WNT7B: variants seen among roughly 807,000 people sequenced by gnomAD.
WNT7B encodes protein Wnt-7b.
In WNT7B, 19 loss-of-function variants were observed where a neutral mutation model predicts 38.2. The observed-to-expected ratio is 0.50, with a 90% CI of 0.35 to 0.73. The LOEUF is 0.73. WNT7B is among the 30% of genes least tolerant of loss of function. The probability of loss-of-function intolerance (pLI) is 0.01; values close to 1 mark genes in which losing one functional copy is unlikely to be tolerated. For synonymous variants in WNT7B, 243 were observed against 209.3 expected (o/e 1.16, Z -1.39); for missense variants, 423 against 507.9 (o/e 0.83, Z 1.61).
intron 3 of WNT7B, among the ~76,000 whole-genome samples, 175 bp downstream of exon 3, chr22:45,930,923 T>G (rs2146712903): frequency 6.6e-6 from 1 of 152,226 alleles, no homozygotes; most frequent in East Asian, 1.9e-4. Flanking sequence ...GACAGCCTCC[T>G]CCCGGTGCTG....
At chr22:45,929,806 A>ACCCACTCATCTATCTG (rs879821707) in intron 3 of WNT7B, among the ~76,000 whole-genome samples, 2 of 149,186 alleles carry the variant, frequency 1.3e-5, no homozygotes, top group Non-Finnish European at 3.0e-5. Context: ...TCAACCATCT[A>ACCCACTCATCTATCTG]CCCATCCATC....
In WNT7B at chr22:45,949,022, G is replaced by A. The variant is rs924408332; in HGVS notation, c.298+898C>T. Among the ~76,000 whole-genome samples the A allele has an allele frequency of 4.5e-4, 68 of 151,672 alleles. 2 individuals are homozygous for A. The highest frequency in any genetic ancestry group is 1.3e-4 in the Non-Finnish European group (9 of 67,926). On this transcript the variant is annotated intron_variant, in intron 2 of 3. Transcript: ENST00000339464. ...ATTTTTGTATTTTTAGTAGAGATGG[G>A]GTTTCACCATGTTGGCCAGGATGGT...
intron 1 of WNT7B, chr22:45,972,286 G>A (rs945534831): frequency 1.0e-5 from 6 of 577,678 alleles, no homozygotes; most frequent in Admixed American, 3.1e-5. Context: ...CGGGCCGGGC[G>A]CCTGGGCCAG....
chr22:45,936,615 C>A (rs972207369), intron 2 of WNT7B, among the ~76,000 whole-genome samples: 2 of 152,266 alleles, frequency 1.3e-5, no homozygotes, highest in African/African-American at 4.8e-5. Flanking sequence ...CCTCAAAGGA[C>A]CCCCTGGCTG....
At chr22:45,926,390 G>A (rs868377278) in intron 3 of WNT7B, 4 of 985,362 alleles carry the variant, frequency 4.1e-6, no homozygotes, top group Middle Eastern at 5.2e-4. Flanking sequence ...GGGCCTGGTT[G>A]GGCAGGGGGG....
chr22:45,971,006 G>C (rs779712302), intron 1 of WNT7B, among the ~76,000 whole-genome samples: 22 of 152,248 alleles, frequency 1.4e-4, no homozygotes, highest in Non-Finnish European at 2.8e-4. Context: ...GGCTGCGGTT[G>C]CGAACTTTTG....
chr22:45,929,668 C>G (rs1355981714), intron 3 of WNT7B, among the ~76,000 whole-genome samples: 2 of 112,340 alleles, frequency 1.8e-5, no homozygotes, highest in African/African-American at 6.1e-5. Flanking sequence ...ACCCACCCGC[C>G]CATCCTTCCC....
intron 3 of WNT7B, among the ~76,000 whole-genome samples, chr22:45,924,033 C>G (rs566573507): frequency 6.6e-6 from 1 of 152,212 alleles, no homozygotes; most frequent in Non-Finnish European, 1.5e-5. Flanking sequence ...TCCATGGCCC[C>G]GGAAGGCTGA....
intron 1 of WNT7B, among the ~76,000 whole-genome samples, chr22:45,956,110 C>T (rs1284915682): frequency 6.6e-6 from 1 of 152,180 alleles, no homozygotes; most frequent in Non-Finnish European, 1.5e-5. Flanking sequence ...GAAGGCAAGT[C>T]CCTGGCTGCA....
intron 3 of WNT7B, chr22:45,925,975 C>T (rs1033061922): frequency 1.1e-6 from 1 of 943,138 alleles, no homozygotes. Flanking sequence ...TCCCCCTCCT[C>T]CCTCCCCTGT....
intron 2 of WNT7B, among the ~76,000 whole-genome samples, chr22:45,933,128 C>T (rs1931419807): frequency 6.6e-6 from 1 of 152,126 alleles, no homozygotes; most frequent in Non-Finnish European, 1.5e-5. Flanking sequence ...GGATGGGGCC[C>T]ACCAGCCTTA....
chr22:45,930,927 G>A (rs998747450), intron 3 of WNT7B, among the ~76,000 whole-genome samples, 171 bp downstream of exon 3: 2 of 152,130 alleles, frequency 1.3e-5, no homozygotes, highest in Non-Finnish European at 1.5e-5. Flanking sequence ...GCCTCCTCCC[G>A]GTGCTGGGAG....
intron 1 of WNT7B, among the ~76,000 whole-genome samples, chr22:45,952,432 G>A (rs1931955454): frequency 6.6e-6 from 1 of 152,206 alleles, no homozygotes; most frequent in African/African-American, 2.4e-5. Context: ...AAAGCCCCAG[G>A]CTGGCATGGA....
intron 3 of WNT7B, chr22:45,926,741 G>GCA (rs1931096794): frequency 2.0e-6 from 2 of 985,286 alleles, no homozygotes; most frequent in Non-Finnish European, 2.4e-6. Context: ...CAGGGACACA[G>GCA]CACACGTCTG....
chr22:45,924,119 G>A (rs1931008160), intron 3 of WNT7B, among the ~76,000 whole-genome samples: 1 of 152,186 alleles, frequency 6.6e-6, no homozygotes, highest in African/African-American at 2.4e-5. Flanking sequence ...CCTGATTGAA[G>A]ATGGGGAATT....
At chr22:45,957,699 A>AAAAAAAAAAAAAAC in intron 1 of WNT7B, among the ~76,000 whole-genome samples, 1 of 149,822 alleles carries the variant, frequency 6.7e-6, no homozygotes, top group African/African-American at 2.4e-5. Flanking sequence ...AAAAAAAAAA[A>AAAAAAAAAAAAAAC]AAAAAAAAAA....
At chr22:45,933,506 G>A (rs901354792) in intron 2 of WNT7B, among the ~76,000 whole-genome samples, 1 of 152,038 alleles carries the variant, frequency 6.6e-6, no homozygotes, top group Admixed American at 6.6e-5. Context: ...CGTTCTGTCT[G>A]CATTCCCCAA....
intron 2 of WNT7B, among the ~76,000 whole-genome samples, chr22:45,946,376 G>A (rs1569118117): frequency 6.6e-6 from 1 of 152,222 alleles, no homozygotes. Flanking sequence ...CTGATTCGAT[G>A]ATAGTGCCTG....
chr22:45,974,091 A>G (rs1601745772), intron 1 of WNT7B, among the ~76,000 whole-genome samples: 1 of 152,188 alleles, frequency 6.6e-6, no homozygotes, highest in East Asian at 1.9e-4. Context: ...ATTAACAATA[A>G]GAAAGATTCT....
Sources: allele counts gnomAD v4.1 joint callset (sites outside exome capture counted in the v4.1 genomes callset), GRCh38; gene constraint gnomAD v4.1.1; transcripts MANE v1.5; gene names NCBI Gene and HGNC (gene_info 2026-07-23, HGNC 2026-07-21).